MECOM: variants seen among roughly 807,000 people sequenced by gnomAD.
MECOM encodes the protein MDS1 and EVI1 complex locus.
MECOM carries 13 observed loss-of-function variants against 116.3 expected under a neutral mutation model. The ratio of observed to expected loss-of-function variants is 0.11; its 90% CI spans 0.07 to 0.18. The LOEUF (loss-of-function observed/expected upper bound fraction) is 0.18. MECOM is among the 10% of genes least tolerant of loss of function. MECOM has a pLI of 1.00. For synonymous variants in MECOM, 528 were observed against 535.2 expected (o/e 0.99, Z 0.19); for missense variants, 1,299 against 1,509.0 (o/e 0.86, Z 2.31).
chr3:169,626,095 A>G (rs1771338057), intron 1 of MECOM, among the ~76,000 whole-genome samples: 1 of 152,192 alleles, frequency 6.6e-6, no homozygotes, highest in African/African-American at 2.4e-5. Context: ...AATATCTCCA[A>G]CATTTTCCTG....
intron 1 of MECOM, among the ~76,000 whole-genome samples, chr3:169,642,703 C>A (rs1395375098): frequency 1.3e-5 from 2 of 150,922 alleles, no homozygotes; most frequent in Admixed American, 1.3e-4. Flanking sequence ...AGGTATTTAG[C>A]CTGGCCAGAG....
chr3:169,326,596 G>A (rs1009949693), intron 2 of MECOM, among the ~76,000 whole-genome samples: 4 of 152,100 alleles, frequency 2.6e-5, no homozygotes, highest in East Asian at 1.9e-4. Context: ...AGAAATGACC[G>A]TTCTTTCATT....
intron 1 of MECOM, among the ~76,000 whole-genome samples, chr3:169,658,272 A>C (rs981205786): frequency 6.6e-6 from 1 of 152,204 alleles, no homozygotes; most frequent in Non-Finnish European, 1.5e-5. Flanking sequence ...ACTCCAAAAA[A>C]ATGTACCTGG....
chr3:169,247,323 G>C (rs1004408194), intron 2 of MECOM, among the ~76,000 whole-genome samples: 3 of 145,530 alleles, frequency 2.1e-5, no homozygotes, highest in Admixed American at 2.1e-4. Context: ...CTTTTTTTTT[G>C]AGATGGAGTT....
rs139775079 is a variant in MECOM at position 169,653,301 on chromosome 3, G to A, written c.37+10035C>T. 2.5e-3 allele frequency among the ~76,000 whole-genome samples: 381 copies of A among 152,260 alleles called. 2 individuals are homozygous for A. The highest frequency in any genetic ancestry group is 8.8e-3 in the African/African-American group (365 of 41,542). ...CATATTGATATCTGCCATATGCAAA[G>A]CATAGTATTAGGCCCTATACAAAAC... is the stretch of plus-strand genomic sequence containing the variant. On this transcript the variant is annotated intron_variant, in intron 1 of 16. Coordinates refer to ENST00000651503, the MANE Select transcript of MECOM (RefSeq NM_004991.4).
intron 1 of MECOM, among the ~76,000 whole-genome samples, chr3:169,416,908 A>G (rs1162568921): frequency 6.6e-6 from 1 of 152,232 alleles, no homozygotes; most frequent in Non-Finnish European, 1.5e-5. Flanking sequence ...GGCCATATGT[A>G]GAAAGCTGAA....
At chr3:169,305,666 T>C (rs1306229339) in intron 2 of MECOM, among the ~76,000 whole-genome samples, 1 of 152,214 alleles carries the variant, frequency 6.6e-6, no homozygotes, top group Non-Finnish European at 1.5e-5. Flanking sequence ...ATATGATTAG[T>C]GTTCTGTTTC....
intron 1 of MECOM, among the ~76,000 whole-genome samples, chr3:169,422,861 A>C (rs1251410538): frequency 2.0e-5 from 3 of 152,050 alleles, no homozygotes; most frequent in African/African-American, 7.2e-5. Context: ...GTATTTTTTT[A>C]TATGTAAAAT....
rs191077741 is a variant in MECOM, at chr3:169,140,396, C to T, written c.510+3302G>A. ...CTATTATTTTATGACTTGAGTGTGA[C>T]TGTGACTCAATTGACTAGTGTCTTT... On this transcript the variant is annotated intron_variant, in intron 3 of 16. Coordinates refer to ENST00000651503, the MANE Select transcript of MECOM (RefSeq NM_004991.4). Among the ~76,000 whole-genome samples the T allele has an allele frequency of 4.5e-3, 679 of 152,140 alleles. 5 individuals are homozygous for T. The highest frequency in any genetic ancestry group is 0.01 in the Middle Eastern group (3 of 294).
chr3:169,195,014 T>C (rs1748232691), intron 2 of MECOM, among the ~76,000 whole-genome samples: 1 of 152,026 alleles, frequency 6.6e-6, no homozygotes, highest in Non-Finnish European at 1.5e-5. Flanking sequence ...GCTATATCAT[T>C]CTAGCAAGTT....
intron 1 of MECOM, among the ~76,000 whole-genome samples, chr3:169,553,313 C>T (rs1483741309): frequency 6.6e-6 from 1 of 151,996 alleles, no homozygotes; most frequent in Non-Finnish European, 1.5e-5. Context: ...AATCAATAAA[C>T]ATGATAATTT....
At chr3:169,579,155 C>A (rs549067452) in intron 1 of MECOM, among the ~76,000 whole-genome samples, 2 of 152,212 alleles carry the variant, frequency 1.3e-5, no homozygotes, top group South Asian at 4.2e-4. Context: ...GTCTGCAGAG[C>A]CCCTTTAGAA....
intron 2 of MECOM, among the ~76,000 whole-genome samples, chr3:169,270,435 A>AT (rs1197762293): frequency 3.3e-5 from 5 of 151,782 alleles, no homozygotes; most frequent in African/African-American, 1.2e-4. Context: ...ATATTTATGT[A>AT]TTTAATTATA....
intron 1 of MECOM, among the ~76,000 whole-genome samples, chr3:169,519,647 T>A (rs1757119250): frequency 6.6e-6 from 1 of 152,246 alleles, no homozygotes; most frequent in South Asian, 2.1e-4. Context: ...AGAACGAGCA[T>A]GGCCTCTTGC....
In MECOM at chr3:169,577,180, G is replaced by C. The variant is rs370136796; in HGVS notation, c.37+86156C>G. Among the ~76,000 whole-genome samples the C allele has an allele frequency of 2.6e-4, 40 of 152,192 alleles. 1 individual carries two copies. Among genetic ancestry groups the C allele is most frequent in the East Asian group, 2.1e-3 (11 of 5,206 alleles). On this transcript the variant is annotated intron_variant, in intron 1 of 16. Transcript: ENST00000651503. ...GAAAATAATAGTAACTTATTTCACA[G>C]AGTTATTGTGAGGATGAAATGAGTT...
intron 2 of MECOM, among the ~76,000 whole-genome samples, chr3:169,343,273 G>C (rs570517086): frequency 2.2e-3 from 337 of 152,254 alleles, no homozygotes; most frequent in Admixed American, 3.5e-3. Context: ...GGACTTCAGA[G>C]GGCTCGCAGA....
chr3:169,311,991 G>A (rs1244278378), intron 2 of MECOM, among the ~76,000 whole-genome samples: 1 of 152,208 alleles, frequency 6.6e-6, no homozygotes, highest in Non-Finnish European at 1.5e-5. Context: ...TTACACAGGA[G>A]TAGGTGGTAG....
intron 1 of MECOM, among the ~76,000 whole-genome samples, chr3:169,467,494 T>TG (rs1257455207): frequency 6.6e-6 from 1 of 152,078 alleles, no homozygotes; most frequent in African/African-American, 2.4e-5. Context: ...TATCACAACC[T>TG]GCCAGTAAAT....
intron 2 of MECOM, among the ~76,000 whole-genome samples, chr3:169,327,605 T>C (rs1208090685): frequency 2.3e-5 from 3 of 128,182 alleles, no homozygotes; most frequent in South Asian, 2.4e-4. Context: ...ACCATTGCAC[T>C]CCAGCAATGG....
Sources: gnomAD v4.1 joint callset for allele counts (sites outside exome capture counted in the v4.1 genomes callset) on GRCh38, gnomAD v4.1.1 for gene constraint, MANE v1.5 for transcripts, NCBI Gene and HGNC (gene_info 2026-07-23, HGNC 2026-07-21) for gene names.